CACNA1C: variants seen among roughly 807,000 people sequenced by gnomAD.
The protein encoded by CACNA1C is calcium voltage-gated channel subunit alpha1 C.
Under a neutral mutation model 229.0 loss-of-function variants are expected in CACNA1C, and 30 were observed. That is an observed-to-expected ratio of 0.13 (90% CI 0.10 to 0.18). CACNA1C has a LOEUF of 0.18. Ranked by LOEUF, CACNA1C falls within the 10% of genes least tolerant of loss-of-function variation. The probability of loss-of-function intolerance (pLI) is 1.00; values close to 1 mark genes in which losing one functional copy is unlikely to be tolerated. For missense variants in CACNA1C, 1,658 were observed against 2,845.0 expected (o/e 0.58, Z 9.49); for synonymous variants, 1,114 against 1,132.5 (o/e 0.98, Z 0.33).
chr12:2,198,825 G>A (rs925872128), intron 3 of CACNA1C, among the ~76,000 whole-genome samples: 5 of 151,926 alleles, frequency 3.3e-5, no homozygotes, highest in Admixed American at 6.5e-5. Context: ...ATAATCTTAG[G>A]TGATTTTTTT....
At chr12:2,184,085 C>G (rs1423755060) in intron 3 of CACNA1C, among the ~76,000 whole-genome samples, 2 of 152,174 alleles carry the variant, frequency 1.3e-5, no homozygotes, top group African/African-American at 2.4e-5. Flanking sequence ...CCATCCCATC[C>G]CCCACTGCCT....
rs549574513 is a variant in CACNA1C at position 2,006,950 on chromosome 12, T to C, written c.139+35749T>C. ...ATTGTGACCTGTAGTTTGAAAAACA[T>C]AGGGCTGCAGCAACTGAGCAACCAC... On this transcript the variant is annotated intron_variant, in intron 1 of 46. Coordinates refer to the CACNA1C transcript ENST00000682462. Among the ~76,000 whole-genome samples, 48 of 152,328 alleles carry C rather than the reference T, an allele frequency of 3.2e-4. 2 individuals carry two copies. The South Asian group carries it at 4.4e-3, about 14-fold the overall frequency.
intron 3 of CACNA1C, among the ~76,000 whole-genome samples, chr12:2,424,980 G>A (rs537972191): frequency 2.0e-4 from 30 of 152,374 alleles, no homozygotes; most frequent in African/African-American, 6.7e-4. Context: ...TCACCTGGGC[G>A]ACTGTCTGCA....
intron 3 of CACNA1C, among the ~76,000 whole-genome samples, chr12:2,269,124 G>A (rs2083659536): frequency 1.3e-5 from 2 of 152,234 alleles, no homozygotes; most frequent in South Asian, 4.1e-4. Context: ...AACACTGACA[G>A]TTACAAAATG....
chr12:2,084,599 C>G (rs758156), intron 1 of CACNA1C, among the ~76,000 whole-genome samples: 140,091 of 152,188 alleles, frequency 0.92, 64,518 homozygotes, highest in East Asian at 1. Flanking sequence ...GTTCCTCTTG[C>G]AGTCTGTTCC....
chr12:2,686,068 C>T, intron 44 of CACNA1C, 98 bp from the exon 45 acceptor site: 1 of 1,037,994 alleles, frequency 9.6e-7, no homozygotes, highest in Non-Finnish European at 1.5e-6. Flanking sequence ...CGTCTCGGGC[C>T]ATAGTTACTG....
At chr12:2,643,359 T>C (rs1251207298) in intron 30 of CACNA1C, among the ~76,000 whole-genome samples, 1 of 152,142 alleles carries the variant, frequency 6.6e-6, no homozygotes, top group Non-Finnish European at 1.5e-5. Flanking sequence ...TCAGTTCTTC[T>C]CCTCCATCAC....
At chr12:2,234,144 CT>C (rs2066405447) in intron 3 of CACNA1C, among the ~76,000 whole-genome samples, 2 of 152,308 alleles carry the variant, frequency 1.3e-5, no homozygotes, top group South Asian at 4.1e-4. Flanking sequence ...ACGATGCAGC[CT>C]TTTCAAACGA....
At chr12:2,164,646 G>C (rs922270495) in intron 3 of CACNA1C, among the ~76,000 whole-genome samples, 2 of 152,240 alleles carry the variant, frequency 1.3e-5, no homozygotes, top group East Asian at 3.9e-4. Flanking sequence ...GGTCACAAAA[G>C]AGAATGAGGG....
At chr12:2,136,747 C>T (rs952042295) in intron 3 of CACNA1C, among the ~76,000 whole-genome samples, 2 of 151,166 alleles carry the variant, frequency 1.3e-5, no homozygotes, top group Admixed American at 1.3e-4. Context: ...TCTGCTACTA[C>T]CTGAGAGGTA....
At chr12:2,423,507 A>G (rs1595882075) in intron 3 of CACNA1C, among the ~76,000 whole-genome samples, 1 of 152,216 alleles carries the variant, frequency 6.6e-6, no homozygotes, top group Non-Finnish European at 1.5e-5. Context: ...CGAGGATTAA[A>G]TGAAACGATT....
At chr12:2,050,566 A>C (rs2051967252), upstream of CACNA1C, among the ~76,000 whole-genome samples, 1 of 152,270 alleles carries the variant, frequency 6.6e-6, no homozygotes, top group Non-Finnish European at 1.5e-5. Context: ...TCTGAAACAC[A>C]GGCCTATAAT....
intron 1 of CACNA1C, among the ~76,000 whole-genome samples, chr12:2,076,016 A>G (rs977994398): frequency 6.6e-6 from 1 of 152,170 alleles, no homozygotes; most frequent in African/African-American, 2.4e-5. Context: ...CAGTTGACAC[A>G]TGGCTCTTTC....
chr12:2,230,496 G>A (rs894330401), intron 3 of CACNA1C, among the ~76,000 whole-genome samples: 1 of 152,334 alleles, frequency 6.6e-6, no homozygotes, highest in Admixed American at 6.5e-5. Flanking sequence ...GGTAGAACCT[G>A]AGTGTCCAAA....
chr12:2,103,964 C>T (rs1253600427), intron 1 of CACNA1C, among the ~76,000 whole-genome samples: 2 of 152,026 alleles, frequency 1.3e-5, no homozygotes, highest in Non-Finnish European at 2.9e-5. Context: ...AGTACCATGC[C>T]GTTTTGGTTA....
In CACNA1C at chr12:2,100,865, C is replaced by T. The variant is rs548214184; in HGVS notation, c.50-14359C>T. 3.3e-5 allele frequency among the ~76,000 whole-genome samples: 5 copies of T among 151,754 alleles called. No homozygotes were observed. The South Asian group carries it at 1.0e-3, about 32-fold the overall frequency. On this transcript the variant is annotated intron_variant, in intron 1 of 46. Coordinates refer to ENST00000399655, the MANE Select transcript of CACNA1C (RefSeq NM_000719.7). The stretch of plus-strand genomic sequence containing the variant: ...CCCAGGAGTTGGAGACCAGCCTGGG[C>T]AACAGGGTGTCTCTACTAAAAACAA...
At position 2,677,499 on chromosome 12, in the gene CACNA1C, C is replaced by T. The variant is rs930195946; in HGVS notation, c.4957-234C>T. ...TGAGGCTCCCGTGACAGCCCCTGAC[C>T]CCTGGTGCCCCGTCCTAATGAGCCT... On this transcript the variant is annotated intron_variant, in intron 40 of 46. Coordinates refer to ENST00000399655, the MANE Select transcript of CACNA1C (RefSeq NM_000719.7). The surrounding 1 kb of genome is among the most constrained non-coding windows in gnomAD (Gnocchi z 7.4). 2 of 617,052 alleles carry T rather than the reference C, an allele frequency of 3.2e-6. No homozygotes were observed. Among genetic ancestry groups the T allele is most frequent in the African/African-American group, 1.8e-5 (1 of 54,376 alleles). The allele number at this position is 617,052 out of a possible 1,614,324, so 38.2% of individuals were successfully genotyped here. A position where few individuals can be genotyped will look rare whatever the true frequency, so the allele number is the denominator to read the frequency against.
chr12:2,365,701 A>G (rs1485693554), intron 3 of CACNA1C, among the ~76,000 whole-genome samples: 2 of 150,786 alleles, frequency 1.3e-5, no homozygotes, highest in African/African-American at 4.8e-5. Context: ...TTTTTAATTT[A>G]ACATGACAGG....
intron 1 of CACNA1C, among the ~76,000 whole-genome samples, chr12:2,075,814 G>C (rs902129788): frequency 6.6e-6 from 1 of 152,234 alleles, no homozygotes; most frequent in African/African-American, 2.4e-5. Flanking sequence ...CCTGGGAGCG[G>C]ATGTGCCAGG....
Sources: gnomAD v4.1 joint callset for allele counts (sites outside exome capture counted in the v4.1 genomes callset) on GRCh38, gnomAD v4.1.1 for gene constraint, Gnocchi (gnomAD v3.1) non-coding constraint, MANE v1.5 for transcripts, NCBI Gene and HGNC (gene_info 2026-07-23, HGNC 2026-07-21) for gene names.